CRADD: variants seen among roughly 807,000 people sequenced by gnomAD.
CRADD encodes CARD and death domain containing adaptor protein, also known as death domain-containing protein CRADD.
CRADD carries 9 observed loss-of-function variants against 15.5 expected under a neutral mutation model. The observed-to-expected ratio is 0.58, with a 90% CI of 0.35 to 1.01. The LOEUF (loss-of-function observed/expected upper bound fraction) is 1.01, where lower values mean the gene tolerates loss of function less well. Ranked by LOEUF, CRADD falls within the 50% of genes least tolerant of loss-of-function variation. CRADD has a pLI of 0.02. For synonymous variants in CRADD, 118 were observed against 107.6 expected, an observed-to-expected ratio of 1.10 and a Z score of -0.60; for missense variants, 227 against 250.3, an observed-to-expected ratio of 0.91 and a Z score of 0.63.
chr12:93,894,233 G>A (rs1014008669), exon 3 of CRADD: 3 of 651,878 alleles, frequency 4.6e-6, no homozygotes, highest in Admixed American at 4.4e-5. Flanking sequence ...ATGTCTGGAG[G>A]CGTTTTTGGT....
chr12:93,878,818 A>G (rs1460689226), intron 2 of CRADD, among the ~76,000 whole-genome samples: 3 of 152,218 alleles, frequency 2.0e-5, no homozygotes, highest in East Asian at 1.9e-4. Context: ...TGTTTTTTCT[A>G]TCTCTTCAGT....
intron 2 of CRADD, among the ~76,000 whole-genome samples, chr12:93,820,548 C>CA (rs796143867): frequency 1.5e-3 from 166 of 110,368 alleles, no homozygotes; most frequent in Admixed American, 1.6e-3. Flanking sequence ...GACTCTGTCT[C>CA]AAAAAAAAAA....
intron 2 of CRADD, chr12:93,893,906 GA>G (rs111825675): frequency 0.18 from 83,979 of 460,812 alleles, 445 homozygotes; most frequent in South Asian, 0.26. Flanking sequence ...TCTCAAAAAA[GA>G]AAAAAAAAAA....
At chr12:93,870,766 C>G (rs1220458618) in intron 2 of CRADD, among the ~76,000 whole-genome samples, 9 of 152,208 alleles carry the variant, frequency 5.9e-5, no homozygotes, top group Admixed American at 5.9e-4. Context: ...CAGGTCCTAA[C>G]CCCAAACTCC....
chr12:93,852,351 T>G (rs1341192206), downstream of CRADD, among the ~76,000 whole-genome samples: 1 of 152,238 alleles, frequency 6.6e-6, no homozygotes, highest in Non-Finnish European at 1.5e-5. Context: ...ATTCACCATT[T>G]GCAAGGAATC....
At chr12:93,776,236 A>G (rs1035671300) in intron 2 of CRADD, among the ~76,000 whole-genome samples, 2 of 152,178 alleles carry the variant, frequency 1.3e-5, no homozygotes, top group Non-Finnish European at 2.9e-5. Flanking sequence ...TTCTTATCGA[A>G]CAGTATTTAA....
At chr12:93,849,916 A>G in intron 2 of CRADD, 54 bp from the exon 3 acceptor site, 1 of 1,031,830 alleles carries the variant, frequency 9.7e-7, no homozygotes, top group Admixed American at 1.8e-5. Flanking sequence ...TCTGCCCCCA[A>G]ATGATGTGTT....
intron 2 of CRADD, among the ~76,000 whole-genome samples, chr12:93,863,738 C>T (rs1182624436): frequency 6.6e-6 from 1 of 151,688 alleles, no homozygotes; most frequent in Non-Finnish European, 1.5e-5. Context: ...GAAGAGTTGC[C>T]CCACCCAAAA....
intron 2 of CRADD, among the ~76,000 whole-genome samples, chr12:93,760,812 T>C (rs1956945935): frequency 6.6e-6 from 1 of 152,058 alleles, no homozygotes; most frequent in Non-Finnish European, 1.5e-5. Context: ...CTCTGCTGAT[T>C]TCTTTAGTGA....
At chr12:93,858,798 C>G (rs937242147) in intron 2 of CRADD, among the ~76,000 whole-genome samples, 1 of 152,230 alleles carries the variant, frequency 6.6e-6, no homozygotes, top group Non-Finnish European at 1.5e-5. Flanking sequence ...AACTAAGACC[C>G]TCATCCCAGA....
chr12:93,823,235 T>C (rs1957787453), intron 2 of CRADD, among the ~76,000 whole-genome samples: 1 of 150,520 alleles, frequency 6.6e-6, no homozygotes, highest in African/African-American at 2.5e-5. Context: ...GAAGTTGCAG[T>C]GAGCCAAGAT....
chr12:93,689,329 T>C (rs7301341), intron 2 of CRADD, among the ~76,000 whole-genome samples: 42,150 of 152,132 alleles, frequency 0.28, 6,373 homozygotes, highest in East Asian at 0.41. Context: ...GCTGCTGTTA[T>C]AGCTAGCTGT....
At chr12:93,867,301 C>T (rs1413354195) in intron 2 of CRADD, among the ~76,000 whole-genome samples, 2 of 150,584 alleles carry the variant, frequency 1.3e-5, no homozygotes, top group Admixed American at 6.6e-5. Context: ...CCTTCGGTTT[C>T]CTTCCTGTAT....
intron 2 of CRADD, chr12:93,738,569 C>T (rs959463614): frequency 7.4e-6 from 5 of 677,036 alleles, no homozygotes; most frequent in Middle Eastern, 3.6e-4. Context: ...TGCCTCACCC[C>T]GCTCCCACCG....
chr12:93,880,770 T>C (rs1046065214), intron 2 of CRADD, among the ~76,000 whole-genome samples: 4 of 152,238 alleles, frequency 2.6e-5, no homozygotes, highest in Non-Finnish European at 4.4e-5. Context: ...CCAAAAGATC[T>C]CTTTCTGCCT....
rs543323585 is a variant in CRADD at position 93,820,366 on chromosome 12, C to T, written c.299-29604C>T. On this transcript the variant is annotated intron_variant, in intron 2 of 2. Coordinates refer to ENST00000332896, the MANE Select transcript of CRADD (RefSeq NM_003805.5). The stretch of plus-strand genomic sequence containing the variant: ...ACCATCCTGGCTAACACGGTGAAAC[C>T]CCATCTCTACTAAAAAAGAAAAAAT... 9.1e-4 allele frequency among the ~76,000 whole-genome samples: 138 copies of T among 152,002 alleles called. 1 individual carries two copies. The highest frequency in any genetic ancestry group is 3.3e-3 in the African/African-American group (136 of 41,464).
chr12:93,881,205 A>G (rs1325945267), intron 2 of CRADD, among the ~76,000 whole-genome samples: 1 of 152,196 alleles, frequency 6.6e-6, no homozygotes, highest in Non-Finnish European at 1.5e-5. Context: ...CCCCAAAGCA[A>G]CAAAGATCTT....
intron 2 of CRADD, chr12:93,735,859 A>G (rs1260214381): frequency 6.6e-6 from 1 of 152,006 alleles, no homozygotes; most frequent in Non-Finnish European, 1.5e-5. Context: ...TACCAAGTGG[A>G]GTTGTTGGGA....
intron 2 of CRADD, among the ~76,000 whole-genome samples, chr12:93,773,015 C>T (rs1332177313): frequency 6.6e-6 from 1 of 152,186 alleles, no homozygotes; most frequent in Non-Finnish European, 1.5e-5. Context: ...CAAATGTTGC[C>T]TGTGCCACTT....
Sources: gnomAD v4.1 joint callset for allele counts (sites outside exome capture counted in the v4.1 genomes callset) on GRCh38, gnomAD v4.1.1 for gene constraint, MANE v1.5 for transcripts, NCBI Gene and HGNC (gene_info 2026-07-23, HGNC 2026-07-21) for gene names.